The following SVEP1 variants were observed in gnomAD, a reference collection of about 807,000 sequenced individuals.
The protein encoded by SVEP1 is sushi, von Willebrand factor type A, EGF and pentraxin domain-containing protein 1.
Under a neutral mutation model 367.3 loss-of-function variants are expected in SVEP1, and 164 were observed. The observed-to-expected ratio is 0.45, with a 90% confidence interval of 0.39 to 0.51. SVEP1 has a LOEUF of 0.51. Among genes scored for constraint, SVEP1 ranks in the 20% least tolerant of loss-of-function variants. The probability of loss-of-function intolerance (pLI) is 0.00; values close to 1 mark genes in which losing one functional copy is unlikely to be tolerated. For synonymous variants in SVEP1, 1,666 were observed against 1,611.6 expected (o/e 1.03, Z -0.81); for missense variants, 4,117 against 4,425.3 (o/e 0.93, Z 1.98).
At chr9:110,495,519 C>T (rs920048861) in intron 8 of SVEP1, among the ~76,000 whole-genome samples, 6 of 152,070 alleles carry the variant, frequency 3.9e-5, no homozygotes, top group African/African-American at 9.7e-5. Flanking sequence ...TCACATTTGC[C>T]CTTTTCAAAT....
At chr9:110,413,825 A>T (rs1828079990) in intron 36 of SVEP1, among the ~76,000 whole-genome samples, 1 of 152,006 alleles carries the variant, frequency 6.6e-6, no homozygotes, top group Admixed American at 6.5e-5. Context: ...TTTTGAAAAA[A>T]TCTCTAATAC....
Position 110,429,213 on chromosome 9 carries a change from T to C in SVEP1, c.5737A>G (p.Asn1913Asp). ...AGCCCACTCAAAATATATTTTCCAT[T>C]ATTTATATTTTCCGGACTAGAACAC... ...VKCSSPENIN[N>D]GKYILSGLTY... Residue 1913 changes from asparagine (N) to aspartate (D), a missense_variant, in exon 35 of 48, where the codon AAT becomes GAT. Asn to Asp is a conservative substitution (Grantham distance 23, BLOSUM62 1). Transcript: ENST00000374469. 6.3e-7 allele frequency: 1 copy of C among 1,596,650 alleles called. No homozygotes were observed. Among genetic ancestry groups the C allele is most frequent in the Non-Finnish European group, 8.5e-7 (1 of 1,170,812 alleles).
chr9:110,461,101 G>C (rs997329479), intron 18 of SVEP1, among the ~76,000 whole-genome samples: 15 of 152,064 alleles, frequency 9.9e-5, no homozygotes. Context: ...TTTGAGAATT[G>C]TCATTTAACC....
chr9:110,526,927 T>A (rs7028943), intron 3 of SVEP1, among the ~76,000 whole-genome samples: 144,902 of 152,186 alleles, frequency 0.95, 69,193 homozygotes, highest in African/African-American at 0.98. Context: ...CCAGGCTCAA[T>A]ATGTCACATT....
chr9:110,429,335 C>A lies in SVEP1; in HGVS notation c.5616-1G>T. 2 of 1,524,932 alleles carry A rather than the reference C, an allele frequency of 1.3e-6. No homozygotes were observed. Among genetic ancestry groups the A allele is most frequent in the East Asian group, 4.8e-5 (2 of 41,984 alleles). 94.5% of individuals were successfully genotyped at this position (1,524,932 alleles called of 1,614,324 possible). On this transcript the variant is annotated splice_acceptor_variant, in intron 34 of 47. Coordinates refer to ENST00000374469, the MANE Select transcript of SVEP1 (RefSeq NM_153366.4). LOFTEE classifies it high-confidence loss of function. ...GGCCAGAGTATATCCTTTATTACAC[C>A]TAAAGAAGATAGAGGAAAATTACAG...
chr9:110,427,745 A>C lies in SVEP1; in HGVS notation c.5821T>G (p.Ser1941Ala). 6.2e-7 allele frequency: 1 copy of C among 1,612,498 alleles called. No homozygotes were observed. Among genetic ancestry groups the C allele is most frequent in the Non-Finnish European group, 8.5e-7 (1 of 1,179,248 alleles). ...CDTGYSLQGP[S>A]IIECTASGIW... ...CCAGAAGCCGTGCATTCAATAATGGAAGGGCCCTGTAAGCTGCGGGAAAGA... is the reference window on the plus strand; with the variant it reads ...CCAGAAGCCGTGCATTCAATAATGGCAGGGCCCTGTAAGCTGCGGGAAAGA... Residue 1941 changes from serine to alanine, a missense_variant, in exon 36 of 48, where the codon TCC becomes GCC. By Grantham distance (99) the Ser-to-Ala change is moderately conservative. Around this residue, in one of 4 missense-constraint regions of SVEP1, gnomAD observed 2,174 missense variants for 2,494.3 expected, o/e 0.87. Transcript: ENST00000374469.
At chr9:110,497,292 C>G (rs1478935005) in intron 7 of SVEP1, among the ~76,000 whole-genome samples, 1 of 152,168 alleles carries the variant, frequency 6.6e-6, no homozygotes, top group East Asian at 1.9e-4. Flanking sequence ...ACCTGGATGT[C>G]TAGTACTTGC....
chr9:110,570,365 A>G (rs1447810899), intron 1 of SVEP1, among the ~76,000 whole-genome samples: 1 of 151,822 alleles, frequency 6.6e-6, no homozygotes, highest in Admixed American at 6.6e-5. Context: ...GTGGTATACA[A>G]TTTTCCCTGT....
chr9:110,382,728 A>C (rs1044981094), intron 43 of SVEP1, among the ~76,000 whole-genome samples: 10 of 152,176 alleles, frequency 6.6e-5, no homozygotes, highest in African/African-American at 2.4e-4. Flanking sequence ...GTCTTTTTAC[A>C]TAATTTCATA....
chr9:110,455,992 T>A (rs1481347125), intron 21 of SVEP1, among the ~76,000 whole-genome samples: 3 of 152,236 alleles, frequency 2.0e-5, no homozygotes, highest in African/African-American at 7.2e-5. Context: ...GGAATTATGC[T>A]AATTTCAAAG....
At chr9:110,376,394 G>A (rs1455293486) in intron 45 of SVEP1, among the ~76,000 whole-genome samples, 3 of 152,206 alleles carry the variant, frequency 2.0e-5, no homozygotes, top group Non-Finnish European at 4.4e-5. Context: ...GAAATGGAAT[G>A]ATTGGGGTGA....
At chr9:110,444,173 G>T (rs919445113) in intron 26 of SVEP1, among the ~76,000 whole-genome samples, 11 of 152,198 alleles carry the variant, frequency 7.2e-5, no homozygotes, top group Non-Finnish European at 1.2e-4. Flanking sequence ...TAGTCTGTTT[G>T]ATGGTTGCTG....
chr9:110,499,449 AT>A (rs2118747120), intron 6 of SVEP1, among the ~76,000 whole-genome samples: 1 of 152,354 alleles, frequency 6.6e-6, no homozygotes, highest in South Asian at 2.1e-4. Context: ...TTGCCAGTGC[AT>A]CATCAAAACT....
chr9:110,565,387 A>G (rs1830479423), intron 1 of SVEP1, among the ~76,000 whole-genome samples: 2 of 152,198 alleles, frequency 1.3e-5, no homozygotes, highest in African/African-American at 4.8e-5. Flanking sequence ...TTTTATTTCA[A>G]TAAAGGGTGT....
rs948959571 is a variant in SVEP1 at position 110,408,957 on chromosome 9, C to G, written c.6649-6G>C. ...AAGATCCTGCCAGTTGTATGCTGTG[C>G]AACAGGAAGAAAGCAAGTGAGTGCG... On this transcript the variant is annotated splice_region_variant and splice_polypyrimidine_tract_variant and intron_variant, in intron 37 of 47. Coordinates refer to ENST00000374469, the MANE Select transcript of SVEP1 (RefSeq NM_153366.4). 1.3e-6 allele frequency: 2 copies of G among 1,552,296 alleles called. No homozygotes were observed. The highest frequency in any genetic ancestry group is 1.7e-6 in the Non-Finnish European group (2 of 1,152,194).
chr9:110,387,683 T>C (rs1308023454), intron 41 of SVEP1, among the ~76,000 whole-genome samples: 3 of 152,208 alleles, frequency 2.0e-5, no homozygotes, highest in African/African-American at 7.2e-5. Context: ...TGACTCCAGC[T>C]GTCTTTATGT....
At chr9:110,429,853 AGT>A in intron 34 of SVEP1, 65 bp downstream of exon 34, 1 of 1,325,870 alleles carries the variant, frequency 7.5e-7, no homozygotes, top group Non-Finnish European at 1.1e-6. Context: ...CCTTTCTTTC[AGT>A]GTTATATCAC....
intron 1 of SVEP1, among the ~76,000 whole-genome samples, chr9:110,560,171 ACT>A (rs2118868748): frequency 6.6e-6 from 1 of 152,314 alleles, no homozygotes; most frequent in African/African-American, 2.4e-5. Flanking sequence ...TATTTAACAT[ACT>A]GTTACAATTG....
intron 1 of SVEP1, among the ~76,000 whole-genome samples, chr9:110,573,151 A>T (rs908627288): frequency 2.6e-5 from 4 of 151,868 alleles, no homozygotes; most frequent in Admixed American, 2.6e-4. Context: ...AGTCCACTGC[A>T]GATTACATAA....
Sources: gnomAD v4.1 joint callset for allele counts (sites outside exome capture counted in the v4.1 genomes callset) on GRCh38, gnomAD v4.1.1 for gene constraint, gnomAD v4.1.1 regional missense constraint, MANE v1.5 for transcripts, NCBI Gene and HGNC (gene_info 2026-07-23, HGNC 2026-07-21) for gene names.